RXRG: variants seen among roughly 807,000 people sequenced by gnomAD.
RXRG encodes the protein retinoic acid receptor RXR-gamma.
A neutral mutation model predicts 49.2 loss-of-function variants in RXRG; 19 were observed. That is an observed-to-expected ratio of 0.39 (90% confidence interval 0.27 to 0.57). The LOEUF is 0.57. RXRG is among the 20% of genes least tolerant of loss of function. The pLI is 0.64. For synonymous variants in RXRG, 224 were observed against 216.6 expected, an observed-to-expected ratio of 1.03 and a Z score of -0.30; for missense variants, 452 against 592.5, an observed-to-expected ratio of 0.76 and a Z score of 2.46.
At chr1:165,409,462 C>A in intron 7 of RXRG, 96 bp downstream of exon 7, 3 of 1,252,132 alleles carry the variant, frequency 2.4e-6, no homozygotes, top group Non-Finnish European at 3.0e-6. Flanking sequence ...TTCATGCCCA[C>A]GTGAGAATTC....
Position 165,409,602 on chromosome 1 carries a change from G to A in RXRG, c.1002C>T (p.His334=), listed in dbSNP as rs772263875. Residue 334 remains histidine (H), a synonymous_variant, in exon 7 of 10, where the codon CAC becomes CAT. Coordinates refer to ENST00000359842, the MANE Select transcript of RXRG (RefSeq NM_006917.5). ...GILLATGLHV[H]RSSAHSAGVG... ...CCCCAGCACTGTGGGCACTGCTCCGGTGGACATGTAAACCCGTGGCCAGAA... is the reference window on the plus strand; with the variant it reads ...CCCCAGCACTGTGGGCACTGCTCCGATGGACATGTAAACCCGTGGCCAGAA... 9.5e-6 allele frequency: 15 copies of A among 1,572,258 alleles called. No homozygotes were observed. Among genetic ancestry groups the A allele is most frequent in the Admixed American group, 1.8e-5 (1 of 54,080 alleles).
At chr1:165,424,915 C>T (rs973137250) in intron 2 of RXRG, 19 of 985,416 alleles carry the variant, frequency 1.9e-5, no homozygotes, top group Admixed American at 6.1e-5. Context: ...TCTCGTTAAC[C>T]GAGCAAAGCA....
chr1:165,430,302 A>C (rs4657438), intron 1 of RXRG, among the ~76,000 whole-genome samples: 10,204 of 152,296 alleles, frequency 0.067, 629 homozygotes, highest in East Asian at 0.33. Context: ...TGCCTACTAC[A>C]TGCAAGGCAC....
chr1:165,418,314 GA>G (rs1488858969), intron 3 of RXRG, among the ~76,000 whole-genome samples: 2 of 152,066 alleles, frequency 1.3e-5, no homozygotes, highest in Non-Finnish European at 2.9e-5. Flanking sequence ...TTTCTAGGTA[GA>G]AGTCTTCTTA....
chr1:165,417,101 G>A lies in RXRG; in HGVS notation c.562C>T (p.Arg188Cys), dbSNP rs761770843. Residue 188 changes from arginine (R) to cysteine (C), a missense_variant, in exon 4 of 10, where the codon CGC (arginine) becomes TGC (cysteine). Arg to Cys is a radical substitution (Grantham distance 180, BLOSUM62 -3). Transcript: ENST00000359842. ...NKDCLIDKRQ[R>C]NRCQYCRYQK... ...TAGCGACAGTACTGGCAGCGGTTGC[G>A]CTGACGCTTGTCAATGAGGCAGTCT... 6 of 1,614,164 alleles carry A rather than the reference G, an allele frequency of 3.7e-6. No individual in the cohort carries two copies. Among genetic ancestry groups the A allele is most frequent in the South Asian group, 1.1e-5 (1 of 91,074 alleles).
chr1:165,407,522 C>A (rs528641659), intron 8 of RXRG, among the ~76,000 whole-genome samples: 1 of 152,252 alleles, frequency 6.6e-6, no homozygotes, highest in Admixed American at 6.5e-5. Flanking sequence ...TTTACCTGAC[C>A]TCTAAATGTT....
intron 1 of RXRG, among the ~76,000 whole-genome samples, chr1:165,438,669 A>C (rs1335089032): frequency 6.6e-6 from 1 of 152,242 alleles, no homozygotes; most frequent in Non-Finnish European, 1.5e-5. Context: ...GTTTTTGCCT[A>C]TATGGCCTTG....
chr1:165,403,063 C>T (rs1657637808), intron 9 of RXRG, among the ~76,000 whole-genome samples: 1 of 152,032 alleles, frequency 6.6e-6, no homozygotes, highest in African/African-American at 2.4e-5. Context: ...TCATACACAC[C>T]CTCACACACA....
In RXRG at chr1:165,406,920, A is replaced by C; in HGVS notation, c.1139-3T>G. ...GGGGTTGGACAGGCCCTTGGCATCT[A>C]AAAGACATGACTGAGTTAGCCTTTG... On this transcript the variant is annotated splice_region_variant and splice_polypyrimidine_tract_variant and intron_variant, in intron 8 of 9. Coordinates refer to ENST00000359842, the MANE Select transcript of RXRG (RefSeq NM_006917.5). 3 of 1,607,242 alleles carry C rather than the reference A, an allele frequency of 1.9e-6. No homozygotes were observed. The highest frequency in any genetic ancestry group is 1.7e-6 in the Non-Finnish European group (2 of 1,174,212).
chr1:165,409,840 A>T, intron 6 of RXRG, 150 bp from the exon 7 acceptor site: 2 of 717,318 alleles, frequency 2.8e-6, no homozygotes, highest in Non-Finnish European at 2.0e-6. Context: ...GACACAGTTC[A>T]TTAGCGAAGA....
In RXRG at chr1:165,444,971, G is replaced by T; in HGVS notation, c.-78C>A. 7.1e-7 allele frequency: 1 copy of T among 1,404,504 alleles called. No homozygotes were observed. Among genetic ancestry groups the T allele is most frequent in the Non-Finnish European group, 1.0e-6 (1 of 990,340 alleles). 87.0% of individuals were successfully genotyped at this position (1,404,504 alleles called of 1,614,324 possible). A position where few individuals can be genotyped will look rare whatever the true frequency, so the allele number is the denominator to read the frequency against. On this transcript the variant is annotated 5_prime_UTR_variant, in exon 1 of 10. Transcript: ENST00000359842. ...CTCTCTCGGCTCCCAGGCACAGCCC[G>T]GCTTTCTTCAACTTGGGCTAACAAG...
At chr1:165,436,837 G>C (rs1658829243) in intron 1 of RXRG, 1 of 869,728 alleles carries the variant, frequency 1.1e-6, no homozygotes, top group African/African-American at 1.8e-5. Flanking sequence ...GATGGGGACA[G>C]AAGTGGGGGA....
At chr1:165,409,796 G>A (rs1294654284) in intron 6 of RXRG, 106 bp from the exon 7 acceptor site, 7 of 1,064,524 alleles carry the variant, frequency 6.6e-6, no homozygotes, top group Non-Finnish European at 8.6e-6. Flanking sequence ...AAGCAGAATT[G>A]ACAATCTAGG....
rs776724134 is a variant in RXRG at position 165,428,970 on chromosome 1, TAAG to T, written c.50-7_50-5del. 17 of 1,611,524 alleles carry T rather than the reference TAAG, an allele frequency of 1.1e-5. No individual in the cohort carries two copies. The highest frequency in any genetic ancestry group is 1.4e-5 in the Non-Finnish European group (17 of 1,179,144). On this transcript the variant is annotated splice_polypyrimidine_tract_variant and splice_region_variant and intron_variant, in intron 1 of 9. Transcript: ENST00000359842. ...GAGCCAGTGTGGCCAGGGGAGCCTGTAAGAAGAAGAATATAGATGGTGGGAGGT... is the reference window on the plus strand; with the variant it reads ...GAGCCAGTGTGGCCAGGGGAGCCTGTAAGAAGAATATAGATGGTGGGAGGT...
intron 2 of RXRG, chr1:165,424,978 G>T: frequency 1.0e-6 from 1 of 985,292 alleles, no homozygotes; most frequent in Non-Finnish European, 1.2e-6. Flanking sequence ...CAGGGTCTCA[G>T]GCTGCTGAGC....
chr1:165,417,641 C>A (rs923202431), intron 3 of RXRG, among the ~76,000 whole-genome samples: 2 of 152,180 alleles, frequency 1.3e-5, no homozygotes, highest in Admixed American at 1.3e-4. Context: ...ATAATTGAGA[C>A]CCAAGTTCTT....
intron 4 of RXRG, among the ~76,000 whole-genome samples, chr1:165,413,147 T>C (rs953811762): frequency 6.6e-6 from 1 of 152,198 alleles, no homozygotes; most frequent in African/African-American, 2.4e-5. Context: ...TAAGTCTTCC[T>C]GTCATAAATG....
intron 1 of RXRG, among the ~76,000 whole-genome samples, chr1:165,434,272 A>ATGTGTGTGTGTGTGTGTGTG (rs1491272318): frequency 1.9e-4 from 13 of 66,778 alleles, no homozygotes; most frequent in Admixed American, 9.9e-4. Context: ...AATGAATTGC[A>ATGTGTGTGTGTGTGTGTGTG]TGTGTGTATG....
intron 2 of RXRG, among the ~76,000 whole-genome samples, chr1:165,428,279 T>C (rs1391422066): frequency 6.6e-6 from 1 of 152,242 alleles, no homozygotes; most frequent in Non-Finnish European, 1.5e-5. Flanking sequence ...TCCATTGACA[T>C]ACCTGCCTAT....
Sources: gnomAD v4.1 joint callset for allele counts (sites outside exome capture counted in the v4.1 genomes callset) on GRCh38, gnomAD v4.1.1 for gene constraint, MANE v1.5 for transcripts, NCBI Gene and HGNC (gene_info 2026-07-23, HGNC 2026-07-21) for gene names.